Variants in SRC observed in about 807,000 individuals in gnomAD.
The protein encoded by SRC is proto-oncogene tyrosine-protein kinase Src.
A neutral mutation model predicts 62.9 loss-of-function variants in SRC; 13 were observed. The ratio of observed to expected loss-of-function variants is 0.21; its 90% CI spans 0.13 to 0.33. The LOEUF is 0.33. Ranked by LOEUF, SRC falls within the 10% of genes least tolerant of loss-of-function variation. The probability of loss-of-function intolerance (pLI) is 1.00; values close to 1 mark genes in which losing one functional copy is unlikely to be tolerated. For synonymous variants in SRC, 302 were observed against 317.5 expected (o/e 0.95, Z 0.52); for missense variants, 457 against 737.3 (o/e 0.62, Z 4.40).
At chr20:37,358,507 C>T (rs1024790673) in intron 1 of SRC, among the ~76,000 whole-genome samples, 8 of 152,230 alleles carry the variant, frequency 5.3e-5, no homozygotes, top group Non-Finnish European at 1.0e-4. Flanking sequence ...ACCGGGTGGT[C>T]TCTGCACAGC....
chr20:37,388,008 C>G (rs771034287), intron 5 of SRC, among the ~76,000 whole-genome samples: 1 of 152,208 alleles, frequency 6.6e-6, no homozygotes, highest in South Asian at 2.1e-4. Flanking sequence ...TAGGCTGGCC[C>G]TCCGACCCAT....
rs2070694393 is a variant in SRC, at chr20:37,398,593, G to C, written c.859+739G>C. On this transcript the variant is annotated intron_variant, in intron 9 of 13. Coordinates refer to ENST00000373578, the MANE Select transcript of SRC (RefSeq NM_198291.3). The surrounding 1 kb of genome is among the most constrained non-coding windows in gnomAD (Gnocchi z 5.2). ...TGGAGGAGAGCAGAGCGGCCTCCTGGGTGGAAGGCACTGCAGGGACAGAGG... is the reference window on the plus strand; with the variant it reads ...TGGAGGAGAGCAGAGCGGCCTCCTGCGTGGAAGGCACTGCAGGGACAGAGG... Among the ~76,000 whole-genome samples the C allele has an allele frequency of 6.6e-6, 1 of 152,246 alleles. No individual in the cohort carries two copies. The highest frequency in any genetic ancestry group is 1.5e-5 in the Non-Finnish European group (1 of 68,038).
At chr20:37,373,259 T>C (rs796560536) in intron 2 of SRC, among the ~76,000 whole-genome samples, 16 of 74,306 alleles carry the variant, frequency 2.2e-4, no homozygotes, top group Non-Finnish European at 3.6e-4. Context: ...CGCACACACA[T>C]GTACATACGC....
chr20:37,358,953 G>C (rs529163853), intron 1 of SRC, among the ~76,000 whole-genome samples: 7 of 152,376 alleles, frequency 4.6e-5, no homozygotes, highest in Non-Finnish European at 1.5e-5. Context: ...GCACGCGCAC[G>C]GCCCCTTGCT....
At chr20:37,393,706 G>A (rs2070590486) in intron 5 of SRC, 189 bp from the exon 6 acceptor site, 2 of 572,758 alleles carry the variant, frequency 3.5e-6, no homozygotes, top group Admixed American at 3.0e-5. Flanking sequence ...AGGCGTCTGC[G>A]CCAGGGAGGG....
At chr20:37,395,709 A>G (rs910865688) in intron 7 of SRC, among the ~76,000 whole-genome samples, 3 of 152,150 alleles carry the variant, frequency 2.0e-5, no homozygotes, top group Non-Finnish European at 4.4e-5. Flanking sequence ...AGAGAGGGAA[A>G]GCAGTTAGGC....
chr20:37,363,257 C>T (rs1421991610), intron 1 of SRC, among the ~76,000 whole-genome samples: 1 of 152,220 alleles, frequency 6.6e-6, no homozygotes, highest in Non-Finnish European at 1.5e-5. Flanking sequence ...TCGTGACTTG[C>T]ATTGAACATA....
chr20:37,353,078 C>A (rs375092838), intron 1 of SRC, among the ~76,000 whole-genome samples: 1 of 152,170 alleles, frequency 6.6e-6, no homozygotes, highest in African/African-American at 2.4e-5. Flanking sequence ...ATGGTAATCA[C>A]CATATTCCCA....
intron 2 of SRC, among the ~76,000 whole-genome samples, chr20:37,376,226 G>A (rs2070275847): frequency 2.6e-5 from 4 of 152,250 alleles, no homozygotes; most frequent in African/African-American, 4.8e-5. Context: ...GGCACATGTA[G>A]TAGGCATTTT....
At chr20:37,348,784 A>G (rs1293187800) in intron 1 of SRC, among the ~76,000 whole-genome samples, 1 of 152,204 alleles carries the variant, frequency 6.6e-6, no homozygotes, top group East Asian at 1.9e-4. Flanking sequence ...CACAGATATG[A>G]TAAGGACTCA....
chr20:37,353,121 T>G (rs2069831040), intron 1 of SRC, among the ~76,000 whole-genome samples: 1 of 152,194 alleles, frequency 6.6e-6, no homozygotes, highest in South Asian at 2.1e-4. Context: ...ACAAAGAACT[T>G]TCCGCAGTTA....
chr20:37,396,285 T>A lies in SRC; in HGVS notation c.677T>A (p.Leu226Gln). The A allele has an allele frequency of 1.2e-6, 2 of 1,613,726 alleles. No homozygotes were observed. Among genetic ancestry groups the A allele is most frequent in the Non-Finnish European group, 1.7e-6 (2 of 1,179,962 alleles). Residue 226 changes from leucine to glutamine, a missense_variant, in exon 8 of 14, where the codon CTG becomes CAG. Transcript: ENST00000373578. This position sits in a 1 kb window ranked among gnomAD's most constrained non-coding sequence, Gnocchi z 6.1. ...ACCTCCCGCACCCAGTTCAACAGCC[T>A]GCAGCAGCTGGTGGCCTACTACTCC... is the stretch of plus-strand genomic sequence containing the variant. ...YITSRTQFNS[L>Q]QQLVAYYSKH...
In SRC at chr20:37,403,579, G is replaced by A; in HGVS notation, c.*200G>A. 1.6e-6 allele frequency: 1 copy of A among 613,302 alleles called. No individual in the cohort carries two copies. 38.0% of individuals were successfully genotyped at this position (613,302 alleles called of 1,614,324 possible). ...GCCTGAGAGGGCGGTGGGTATGCGAGACCAGCACGGTGACTCTGTCCAGCT... is the reference window on the plus strand; with the variant it reads ...GCCTGAGAGGGCGGTGGGTATGCGAAACCAGCACGGTGACTCTGTCCAGCT... On this transcript the variant is annotated 3_prime_UTR_variant, in exon 14 of 14. Transcript: ENST00000373578. The surrounding 1 kb of genome is among the most constrained non-coding windows in gnomAD (Gnocchi z 7.1).
Position 37,402,353 on chromosome 20 carries a change from G to T in SRC, c.1117-82G>T, listed in dbSNP as rs1050657624. On this transcript the variant is annotated intron_variant, in intron 11 of 13. Transcript: ENST00000373578. This position sits in a 1 kb window ranked among gnomAD's most constrained non-coding sequence, Gnocchi z 6.2. The stretch of plus-strand genomic sequence containing the variant: ...TGGGGAGGGTGGGGAAGGGGTGGTT[G>T]GCTCTCCAGCCCCAGAGTGCTCTGT... The T allele has an allele frequency of 3.3e-6, 5 of 1,534,466 alleles. No homozygotes were observed. Among genetic ancestry groups the T allele is most frequent in the South Asian group, 1.2e-5 (1 of 83,126 alleles).
At position 37,367,271 on chromosome 20, in the gene SRC, G is replaced by T. The variant is rs551372973; in HGVS notation, c.-173+1994G>T. On this transcript the variant is annotated intron_variant, in intron 2 of 13. Transcript: ENST00000373578. ...TTTTTTTTTAAATTTGTGGAGATGG[G>T]GTCTCACCGTGTTGCCCAGGCTGGT... Among the ~76,000 whole-genome samples the T allele has an allele frequency of 5.3e-5, 8 of 150,220 alleles. No individual in the cohort carries two copies. In the East Asian group the frequency reaches 1.6e-3, roughly 30 times the overall value.
intron 9 of SRC, among the ~76,000 whole-genome samples, chr20:37,399,739 T>A (rs1389196961): frequency 6.6e-6 from 1 of 152,064 alleles, no homozygotes; most frequent in Non-Finnish European, 1.5e-5. Flanking sequence ...GGAGACAGGG[T>A]TTCACCATGT....
intron 5 of SRC, among the ~76,000 whole-genome samples, chr20:37,392,442 A>C (rs1439381201): frequency 6.6e-6 from 1 of 152,162 alleles, no homozygotes; most frequent in African/African-American, 2.4e-5. Flanking sequence ...GTTCATGTTC[A>C]GATTGTGTGA....
At chr20:37,392,031 G>A (rs2070559201) in intron 5 of SRC, among the ~76,000 whole-genome samples, 1 of 152,126 alleles carries the variant, frequency 6.6e-6, no homozygotes, top group Non-Finnish European at 1.5e-5. Flanking sequence ...GACACCCCGG[G>A]TGGGTGTACA....
Position 37,397,065 on chromosome 20 carries a change from T to C in SRC, c.704-634T>C, listed in dbSNP as rs925339422. Among the ~76,000 whole-genome samples, 5 of 152,130 alleles carry C rather than the reference T, an allele frequency of 3.3e-5. No homozygotes were observed. Among genetic ancestry groups the C allele is most frequent in the African/African-American group, 1.2e-4 (5 of 41,408 alleles). On this transcript the variant is annotated intron_variant, in intron 8 of 13. Coordinates refer to ENST00000373578, the MANE Select transcript of SRC (RefSeq NM_198291.3). The surrounding 1 kb of genome is among the most constrained non-coding windows in gnomAD (Gnocchi z 4.1). ...ACTCTCCAGGGGCTGTCTTGGAATCTTGGGATAAAGACCCCCACCGGCCCC... is the reference window on the plus strand; with the variant it reads ...ACTCTCCAGGGGCTGTCTTGGAATCCTGGGATAAAGACCCCCACCGGCCCC...
Sources: gnomAD v4.1 joint callset for allele counts (sites outside exome capture counted in the v4.1 genomes callset) on GRCh38, gnomAD v4.1.1 for gene constraint, Gnocchi (gnomAD v3.1) non-coding constraint, MANE v1.5 for transcripts, NCBI Gene and HGNC (gene_info 2026-07-23, HGNC 2026-07-21) for gene names.